The following ZNF37A variants were observed in gnomAD, a reference collection of about 807,000 sequenced individuals.
The protein encoded by ZNF37A is zinc finger protein 37A, also known as zinc finger protein 37a (KOX 21).
Under a neutral mutation model 12.3 loss-of-function variants are expected in ZNF37A, and 10 were observed. The observed-to-expected ratio is 0.82, with a 90% CI of 0.50 to 1.38. The LOEUF (loss-of-function observed/expected upper bound fraction) is 1.38, where lower values mean the gene tolerates loss of function less well. Among genes scored for constraint, ZNF37A ranks in the 40% most tolerant of loss-of-function variants. The pLI, the probability that ZNF37A is intolerant of heterozygous loss-of-function variation, is 0.00. For synonymous variants in ZNF37A, 207 were observed against 223.0 expected, an observed-to-expected ratio of 0.93 and a Z score of 0.64; for missense variants, 580 against 651.2, an observed-to-expected ratio of 0.89 and a Z score of 1.19.
downstream of ZNF37A, among the ~76,000 whole-genome samples, chr10:38,128,490 C>CA (rs2069960724): frequency 6.6e-6 from 1 of 152,138 alleles, no homozygotes; most frequent in African/African-American, 2.4e-5. Flanking sequence ...ATTATACTTT[C>CA]TGTCACAAAT....
chr10:38,109,666 G>T (rs1471464961), intron 5 of ZNF37A, among the ~76,000 whole-genome samples: 2 of 152,126 alleles, frequency 1.3e-5, no homozygotes, highest in Non-Finnish European at 2.9e-5. Context: ...AAATCAACGT[G>T]CAAAAATGAC....
chr10:38,113,470 C>T (rs2068993997), intron 5 of ZNF37A, among the ~76,000 whole-genome samples: 1 of 152,144 alleles, frequency 6.6e-6, no homozygotes, highest in African/African-American at 2.4e-5. Flanking sequence ...GCTTCAGAAT[C>T]ATCTCTGTAG....
intron 5 of ZNF37A, among the ~76,000 whole-genome samples, chr10:38,110,133 A>C (rs2068509631): frequency 1.3e-5 from 2 of 152,350 alleles, no homozygotes; most frequent in South Asian, 4.1e-4. Context: ...TGGTACTGGT[A>C]CCAAAACAGA....
Position 38,118,489 on chromosome 10 carries a change from AT to A in ZNF37A, c.1343del (p.Phe448SerfsTer11). The A allele has an allele frequency of 6.2e-7, 1 of 1,613,998 alleles. No homozygotes were observed. Among genetic ancestry groups the A allele is most frequent in the African/African-American group, 1.3e-5 (1 of 75,024 alleles). On this transcript the variant is annotated frameshift_variant, in exon 8 of 8. Coordinates refer to ENST00000685332, the MANE Select transcript of ZNF37A (RefSeq NM_001324250.3). LOFTEE classifies it low-confidence loss of function (END_TRUNC). ...CTTATGAATGTATTCAGTGTGGAAA[AT>A]TTTTCTGCTACTACTCCGGTTTCAC... ...KPYECIQCGKFFCYYSGFTEH... is the reference protein window; with the variant it reads ...KPYECIQCGKXFCYYSGFTEH...
rs1564932610 is a variant in ZNF37A, at chr10:38,112,793, T to TCTTGTCTTG, written c.16-1962_16-1961insCTTGTCTTG. On this transcript the variant is annotated intron_variant, in intron 5 of 7. Coordinates refer to ENST00000685332, the MANE Select transcript of ZNF37A (RefSeq NM_001324250.3). Reference sequence around the variant, plus strand: ...TTCTTTTCTTTTCTTTTCTTTTCTTTTCTTGTCTTGTCTTGTCTTCTTTTC... The same window carrying TCTTGTCTTG: ...TTCTTTTCTTTTCTTTTCTTTTCTTTCTTGTCTTGTCTTGTCTTGTCTTGTCTTCTTTTC... 7.4e-3 allele frequency among the ~76,000 whole-genome samples: 360 copies of TCTTGTCTTG among 48,692 alleles called. 13 individuals carry two copies. Among genetic ancestry groups the TCTTGTCTTG allele is most frequent in the Middle Eastern group, 0.04 (5 of 126 alleles). The allele number at this position is 48,692 out of a possible 152,430, so 31.9% of individuals were successfully genotyped here. A position where few individuals can be genotyped will look rare whatever the true frequency, so the allele number is the denominator to read the frequency against.
At chr10:38,107,220 A>AT (rs1263729624) in intron 5 of ZNF37A, among the ~76,000 whole-genome samples, 1 of 152,202 alleles carries the variant, frequency 6.6e-6, no homozygotes, top group Non-Finnish European at 1.5e-5. Flanking sequence ...AAAGAAAAGA[A>AT]TTTTCAACCC....
chr10:38,137,020 A>G (rs1418449461), intron 7 of ZNF37A, among the ~76,000 whole-genome samples: 1 of 151,960 alleles, frequency 6.6e-6, no homozygotes, highest in African/African-American at 2.4e-5. Context: ...TTGAATAAAC[A>G]TTTTTTCAGA....
At position 38,118,666 on chromosome 10, in the gene ZNF37A, T is replaced by C. The variant is rs143889266; in HGVS notation, c.1515T>C (p.Cys505=). 88 of 1,608,310 alleles carry C rather than the reference T, an allele frequency of 5.5e-5. No individual in the cohort carries two copies. The African/African-American group carries it at 1.2e-3, about 21-fold the overall frequency. ...GTAATCAATGTGGAAAATCATTCTGTGTGAAGTCAAAACTCATTGCACATC... is the reference window on the plus strand; with the variant it reads ...GTAATCAATGTGGAAAATCATTCTGCGTGAAGTCAAAACTCATTGCACATC... ...YGCNQCGKSF[C]VKSKLIAHHR... Residue 505 remains cysteine, a synonymous_variant, in exon 8 of 8, where the codon TGT becomes TGC. Transcript: ENST00000685332.
At chr10:38,109,887 G>C (rs2068484389) in intron 5 of ZNF37A, among the ~76,000 whole-genome samples, 1 of 152,208 alleles carries the variant, frequency 6.6e-6, no homozygotes, top group Non-Finnish European at 1.5e-5. Context: ...TGGATAGGAA[G>C]AATCAGTATT....
At chr10:38,098,343 T>C (rs2067308190) in intron 5 of ZNF37A, among the ~76,000 whole-genome samples, 1 of 152,226 alleles carries the variant, frequency 6.6e-6, no homozygotes, top group Admixed American at 6.5e-5. Context: ...ACGAGTGAAA[T>C]TGCTGGGTCA....
downstream of ZNF37A, among the ~76,000 whole-genome samples, chr10:38,126,942 A>G (rs1329724686): frequency 6.6e-6 from 1 of 152,228 alleles, no homozygotes. Context: ...ATAATGAGCT[A>G]TTCTGCCAAA....
chr10:38,143,536 C>G (rs2070214096), intron 7 of ZNF37A: 2 of 152,180 alleles, frequency 1.3e-5, no homozygotes, highest in Admixed American at 1.3e-4. Flanking sequence ...TACCTGTTCT[C>G]TCCTGATTGT....
intron 7 of ZNF37A, among the ~76,000 whole-genome samples, chr10:38,145,556 A>G (rs1413237489): frequency 6.6e-6 from 1 of 152,118 alleles, no homozygotes; most frequent in Non-Finnish European, 1.5e-5. Context: ...CATTCTCACT[A>G]GGGGTCTTTT....
At chr10:38,107,021 G>A (rs1053841023) in intron 5 of ZNF37A, among the ~76,000 whole-genome samples, 26 of 152,118 alleles carry the variant, frequency 1.7e-4, no homozygotes, top group African/African-American at 5.3e-4. Flanking sequence ...AAAGATACTC[G>A]TAAAGAAGAG....
rs1354116386 is a variant in ZNF37A at position 38,119,877 on chromosome 10, G to A, written c.*1040G>A. ...ATCCTAGGGCAGACTAAATTCAGACGACCCATCTCAGAATGGTGGATCAAA... is the reference window on the plus strand; with the variant it reads ...ATCCTAGGGCAGACTAAATTCAGACAACCCATCTCAGAATGGTGGATCAAA... On this transcript the variant is annotated 3_prime_UTR_variant, in exon 8 of 8. Coordinates refer to ENST00000685332, the MANE Select transcript of ZNF37A (RefSeq NM_001324250.3). The A allele has an allele frequency of 2.0e-5, 3 of 152,154 alleles. No individual in the cohort carries two copies. The highest frequency in any genetic ancestry group is 1.9e-4 in the East Asian group (1 of 5,180). 9.4% of individuals were successfully genotyped at this position (152,154 alleles called of 1,614,324 possible).
rs1306912187 is a variant in ZNF37A at position 38,122,508 on chromosome 10, A to G, written c.*3671A>G. 1 of 152,198 alleles carries G rather than the reference A, an allele frequency of 6.6e-6. No homozygotes were observed. Among genetic ancestry groups the G allele is most frequent in the Non-Finnish European group, 1.5e-5 (1 of 68,046 alleles). The allele number at this position is 152,198 out of a possible 1,614,324, so 9.4% of individuals were successfully genotyped here. ...CAACAGACACATAGGAACAGTATAG[A>G]CAACCCAGAAACAAATTCATACATC... On this transcript the variant is annotated 3_prime_UTR_variant, in exon 8 of 8. Coordinates refer to ENST00000685332, the MANE Select transcript of ZNF37A (RefSeq NM_001324250.3).
At chr10:38,143,387 G>A (rs1233871575) in intron 7 of ZNF37A, 3 of 152,220 alleles carry the variant, frequency 2.0e-5, no homozygotes, top group Non-Finnish European at 4.4e-5. Context: ...GGGAGAAGCA[G>A]CTGCATGCTA....
At chr10:38,143,141 G>GAGTTCTTGAAATT (rs2070206448) in intron 7 of ZNF37A, 1 of 151,792 alleles carries the variant, frequency 6.6e-6, no homozygotes, top group South Asian at 2.1e-4. Context: ...GTGAGCACAG[G>GAGTTCTTGAAATT]CTGTAGGAGT....
At chr10:38,108,390 G>C (rs1436182454) in intron 5 of ZNF37A, among the ~76,000 whole-genome samples, 1 of 152,180 alleles carries the variant, frequency 6.6e-6, no homozygotes, top group Non-Finnish European at 1.5e-5. Context: ...GCCCACAACA[G>C]AAAGTAGGAA....
Sources: allele counts gnomAD v4.1 joint callset (sites outside exome capture counted in the v4.1 genomes callset), GRCh38; gene constraint gnomAD v4.1.1; transcripts MANE v1.5; gene names NCBI Gene and HGNC (gene_info 2026-07-23, HGNC 2026-07-21).